Variants in EHBP1 observed in about 807,000 individuals in gnomAD.
The protein encoded by EHBP1 is EH domain-binding protein 1.
EHBP1 carries 55 observed loss-of-function variants against 144.0 expected under a neutral mutation model. The ratio of observed to expected loss-of-function variants is 0.38; its 90% CI spans 0.31 to 0.48. The LOEUF (loss-of-function observed/expected upper bound fraction) is 0.48. EHBP1 is among the 20% of genes least tolerant of loss of function. The pLI, the probability that EHBP1 is intolerant of heterozygous loss-of-function variation, is 0.98. For missense variants in EHBP1, 1,200 were observed against 1,364.2 expected (o/e 0.88, Z 1.90); for synonymous variants, 469 against 472.7 (o/e 0.99, Z 0.10).
chr2:62,706,807 T>G lies in EHBP1; in HGVS notation c.-295-90T>G, dbSNP rs569374537. 1.5e-4 allele frequency: 30 copies of G among 195,436 alleles called. No homozygotes were observed. The South Asian group carries it at 2.8e-3, about 18-fold the overall frequency. The allele number at this position is 195,436 out of a possible 1,614,324, so 12.1% of individuals were successfully genotyped here. A position where few individuals can be genotyped will look rare whatever the true frequency, so the allele number is the denominator to read the frequency against. ...GACATGCAGAGAACTGGGATGGTCT[T>G]TTGCAGCGTTATTTAACATGGGTGG... On this transcript the variant is annotated intron_variant, in intron 1 of 22. Coordinates refer to ENST00000431489, the MANE Select transcript of EHBP1 (RefSeq NM_001142616.3).
intron 10 of EHBP1, among the ~76,000 whole-genome samples, chr2:62,891,109 G>A (rs548000957): frequency 1.0e-3 from 151 of 151,494 alleles, no homozygotes; most frequent in Non-Finnish European, 1.6e-3. Flanking sequence ...CCCGGGAGGC[G>A]GAGGTTGCAG....
intron 5 of EHBP1, among the ~76,000 whole-genome samples, chr2:62,807,697 T>C (rs367757188): frequency 1.3e-5 from 2 of 152,242 alleles, no homozygotes; most frequent in African/African-American, 2.4e-5. Context: ...GCAAAGCAGA[T>C]CTACTGGCAA....
intron 5 of EHBP1, among the ~76,000 whole-genome samples, chr2:62,773,522 T>C (rs1219011125): frequency 1.3e-5 from 2 of 152,066 alleles, no homozygotes; most frequent in Non-Finnish European, 2.9e-5. Context: ...AGTGAATGAA[T>C]GGTATAGTTA....
intron 19 of EHBP1, among the ~76,000 whole-genome samples, chr2:63,024,692 A>G (rs925214338): frequency 1.3e-5 from 2 of 152,168 alleles, no homozygotes; most frequent in African/African-American, 4.8e-5. Flanking sequence ...TTTGAATCAA[A>G]GTTATACTGA....
At chr2:62,679,758 G>T (rs2033445787) in intron 1 of EHBP1, among the ~76,000 whole-genome samples, 1 of 152,348 alleles carries the variant, frequency 6.6e-6, no homozygotes, top group East Asian at 1.9e-4. Context: ...TCTAGACAAA[G>T]ATTTGGATCA....
At chr2:62,935,342 A>AT (rs1326810452) in intron 10 of EHBP1, among the ~76,000 whole-genome samples, 112 of 127,074 alleles carry the variant, frequency 8.8e-4, no homozygotes, top group East Asian at 1.7e-3. Flanking sequence ...AAAAAAAAAA[A>AT]AAATATATAT....
chr2:62,863,127 A>G (rs1282901115), intron 8 of EHBP1, among the ~76,000 whole-genome samples: 1 of 151,758 alleles, frequency 6.6e-6, no homozygotes, highest in African/African-American at 2.4e-5. Context: ...TACTAAAAAT[A>G]CAAAAATTAG....
intron 19 of EHBP1, among the ~76,000 whole-genome samples, chr2:63,031,961 C>A (rs1203465090): frequency 6.6e-6 from 1 of 151,812 alleles, no homozygotes; most frequent in Non-Finnish European, 1.5e-5. Context: ...AAAACCTAAG[C>A]TATAAGTAAA....
intron 7 of EHBP1, among the ~76,000 whole-genome samples, chr2:62,844,054 A>G (rs776210656): frequency 2.6e-5 from 4 of 152,204 alleles, no homozygotes; most frequent in Non-Finnish European, 4.4e-5. Context: ...TATTGAATGT[A>G]TTGTTTCTCC....
intron 10 of EHBP1, among the ~76,000 whole-genome samples, chr2:62,913,849 A>G (rs998034762): frequency 7.2e-5 from 11 of 152,194 alleles, no homozygotes; most frequent in Admixed American, 3.3e-4. Flanking sequence ...TAACTCCTCA[A>G]TACTTAATTT....
chr2:62,787,376 A>G (rs916769573), intron 5 of EHBP1, among the ~76,000 whole-genome samples: 1 of 104,520 alleles, frequency 9.6e-6, no homozygotes, highest in African/African-American at 3.5e-5. Flanking sequence ...CTCCTGCACC[A>G]CCCCACACTG....
intron 5 of EHBP1, among the ~76,000 whole-genome samples, chr2:62,792,348 C>G (rs774543510): frequency 6.6e-6 from 1 of 152,018 alleles, no homozygotes; most frequent in African/African-American, 2.4e-5. Context: ...TTTTAAATAG[C>G]TGCTTCTTGT....
chr2:62,973,321 A>C (rs1037563351), intron 14 of EHBP1, among the ~76,000 whole-genome samples: 2 of 152,232 alleles, frequency 1.3e-5, no homozygotes, highest in African/African-American at 4.8e-5. Flanking sequence ...TAGTTGCCTG[A>C]GGCATATTAA....
At chr2:62,989,006 G>A (rs2059308529) in intron 15 of EHBP1, among the ~76,000 whole-genome samples, 1 of 152,096 alleles carries the variant, frequency 6.6e-6, no homozygotes, top group Non-Finnish European at 1.5e-5. Flanking sequence ...GAAAACTCAT[G>A]CCCTTTTGTC....
chr2:62,855,928 G>A (rs976219548), intron 7 of EHBP1, among the ~76,000 whole-genome samples: 1 of 152,194 alleles, frequency 6.6e-6, no homozygotes, highest in Non-Finnish European at 1.5e-5. Context: ...GCTGAGAGCT[G>A]CAGAGTTGAC....
intron 8 of EHBP1, among the ~76,000 whole-genome samples, chr2:62,862,715 A>G (rs1436520581): frequency 2.0e-5 from 3 of 152,256 alleles, no homozygotes; most frequent in Non-Finnish European, 4.4e-5. Context: ...ATTTTTCTTG[A>G]GAATTTCAAT....
At chr2:62,864,006 C>T (rs1197785991) in intron 8 of EHBP1, among the ~76,000 whole-genome samples, 1 of 151,732 alleles carries the variant, frequency 6.6e-6, no homozygotes, top group Non-Finnish European at 1.5e-5. Context: ...GCCACCCCAC[C>T]CGGCTAGTTT....
At chr2:62,760,275 G>A (rs1024551450) in intron 3 of EHBP1, among the ~76,000 whole-genome samples, 1 of 152,122 alleles carries the variant, frequency 6.6e-6, no homozygotes, top group East Asian at 1.9e-4. Flanking sequence ...CAGCTATTTA[G>A]CTAGACTAAT....
intron 5 of EHBP1, among the ~76,000 whole-genome samples, chr2:62,796,225 G>A (rs979609583): frequency 1.3e-5 from 2 of 151,944 alleles, no homozygotes; most frequent in African/African-American, 4.8e-5. Context: ...TTTTTACAGA[G>A]CTTGTTTGGG....
Sources: gnomAD v4.1 joint callset for allele counts (sites outside exome capture counted in the v4.1 genomes callset) on GRCh38, gnomAD v4.1.1 for gene constraint, MANE v1.5 for transcripts, NCBI Gene and HGNC (gene_info 2026-07-23, HGNC 2026-07-21) for gene names.